Variants in HDGF observed in about 807,000 individuals in gnomAD.
The protein encoded by HDGF is heparin binding growth factor.
Under a neutral mutation model 30.0 loss-of-function variants are expected in HDGF, and 5 were observed. The ratio of observed to expected loss-of-function variants is 0.17; its 90% CI spans 0.09 to 0.35. The LOEUF is 0.35. Among genes scored for constraint, HDGF ranks in the 10% least tolerant of loss-of-function variants. HDGF has a pLI of 1.00. For synonymous variants in HDGF, 133 were observed against 112.7 expected (o/e 1.18, Z -1.14); for missense variants, 214 against 302.8 (o/e 0.71, Z 2.18).
At chr1:156,766,898 T>C (rs963078844) in exon 1 of HDGF, 4 of 152,248 alleles carry the variant, frequency 2.6e-5, no homozygotes, top group African/African-American at 4.8e-5. Flanking sequence ...TGCACCCCGA[T>C]CCTGGTGAGG....
intron 1 of HDGF, among the ~76,000 whole-genome samples, chr1:156,761,453 A>T (rs984169463): frequency 5.9e-5 from 9 of 151,318 alleles, no homozygotes; most frequent in Admixed American, 2.6e-4. Flanking sequence ...TACTAAAAAT[A>T]TAAAAACTAG....
chr1:156,765,630 A>G (rs10796965), intron 1 of HDGF, among the ~76,000 whole-genome samples: 62,924 of 149,888 alleles, frequency 0.42, 14,591 homozygotes, highest in African/African-American at 0.63. Context: ...GCCCGCCACC[A>G]CACCATGCTA....
chr1:156,761,381 A>G (rs11264537), intron 1 of HDGF, among the ~76,000 whole-genome samples: 6,467 of 146,340 alleles, frequency 0.044, 479 homozygotes, highest in African/African-American at 0.16. Context: ...GGCTGAGGCC[A>G]GCGGATCATC....
At chr1:156,754,943 C>T (rs186925718), upstream of HDGF, among the ~76,000 whole-genome samples, 63 of 152,212 alleles carry the variant, frequency 4.1e-4, no homozygotes, top group Non-Finnish European at 4.1e-4. Flanking sequence ...AGTGAACCTC[C>T]GTCTCAAAAA....
chr1:156,744,968 T>C (rs1650422218), intron 3 of HDGF, 40 bp downstream of exon 3: 1 of 1,611,298 alleles, frequency 6.2e-7, no homozygotes, highest in Non-Finnish European at 8.5e-7. Flanking sequence ...CACAGCCACA[T>C]CTGCTTTCCA....
At chr1:156,761,922 G>A (rs1270376217) in intron 1 of HDGF, among the ~76,000 whole-genome samples, 3 of 145,162 alleles carry the variant, frequency 2.1e-5, no homozygotes, top group Non-Finnish European at 4.5e-5. Flanking sequence ...ACTCCAGCCT[G>A]GCAACAGTCT....
intron 2 of HDGF, among the ~76,000 whole-genome samples, chr1:156,758,592 C>CAAAA (rs146810668): frequency 0.55 from 46,750 of 85,200 alleles, 15,286 homozygotes; most frequent in East Asian, 0.77. Context: ...GACTCCGTCT[C>CAAAA]AAAAAAAAAA....
intron 1 of HDGF, among the ~76,000 whole-genome samples, chr1:156,750,288 C>T (rs984497486): frequency 1.3e-5 from 2 of 152,146 alleles, no homozygotes; most frequent in Admixed American, 1.3e-4. Context: ...CGCCCAAAAC[C>T]AAAGGCCCCT....
chr1:156,745,017 G>A lies in HDGF; in HGVS notation c.294C>T (p.Ser98=), dbSNP rs574319981. The change falls in exon 3 of 6, where the codon TCC becomes TCT. Residue 98 remains serine, a synonymous_variant. Coordinates refer to ENST00000357325, the MANE Select transcript of HDGF (RefSeq NM_004494.3). ...EIENNPTVKA[S]GYQSSQKKSC... is the part of the protein sequence containing the mutation. The stretch of plus-strand genomic sequence containing the variant: ...GCAGGCGGTGGCTCACCTGATAGCC[G>A]GAAGCCTTGACAGTAGGGTTGTTCT... 73 of 1,614,026 alleles carry A rather than the reference G, an allele frequency of 4.5e-5. No homozygotes were observed. The highest frequency in any genetic ancestry group is 5.4e-5 in the Non-Finnish European group (64 of 1,180,020).
At chr1:156,759,479 CTT>C (rs540212944) in intron 1 of HDGF, among the ~76,000 whole-genome samples, 14 of 124,578 alleles carry the variant, frequency 1.1e-4, no homozygotes, top group Admixed American at 9.0e-5. Context: ...ATACCCCATT[CTT>C]TTTTTTTTTT....
At chr1:156,751,886 C>T (rs933745077), upstream of HDGF, 3 of 948,356 alleles carry the variant, frequency 3.2e-6, no homozygotes, top group African/African-American at 3.5e-5. This position sits in a 1 kb window ranked among gnomAD's most constrained non-coding sequence, Gnocchi z 4.7. Context: ...CCTGACGGCG[C>T]GTGGCGGCAC....
intron 1 of HDGF, among the ~76,000 whole-genome samples, chr1:156,746,214 A>G (rs1408477838): frequency 1.3e-5 from 2 of 152,194 alleles, no homozygotes; most frequent in African/African-American, 2.4e-5. Flanking sequence ...GATTCACATT[A>G]TTATTTAACA....
chr1:156,752,272 C>A (rs1363295771), upstream of HDGF: 1 of 1,551,804 alleles, frequency 6.4e-7, no homozygotes, highest in South Asian at 1.2e-5. Flanking sequence ...TTGAGCCCTA[C>A]GTCCGCCTTT....
At chr1:156,751,832 T>A (rs1232505371), upstream of HDGF, 2 of 1,004,620 alleles carry the variant, frequency 2.0e-6, no homozygotes, top group African/African-American at 3.5e-5. The surrounding 1 kb of genome is among the most constrained non-coding windows in gnomAD (Gnocchi z 4.7). Context: ...TGCAGCTTCT[T>A]GACGCCCAGG....
At position 156,743,565 on chromosome 1, in the gene HDGF, G is replaced by A. The variant is rs956734357; in HGVS notation, c.716+87C>T. Reference sequence around the variant, plus strand: ...AGCCCACCCTGCCTCCCGAGAGGCTGACCACTGCAGGCCCTTTTCATCCTC... The same window carrying A: ...AGCCCACCCTGCCTCCCGAGAGGCTAACCACTGCAGGCCCTTTTCATCCTC... On this transcript the variant is annotated intron_variant, in intron 5 of 5. Coordinates refer to ENST00000357325, the MANE Select transcript of HDGF (RefSeq NM_004494.3). The A allele has an allele frequency of 8.3e-6, 13 of 1,558,854 alleles. No homozygotes were observed. The Admixed American group carries it at 2.0e-4, about 24-fold the overall frequency.
At chr1:156,765,059 AG>A (rs1651328949) in intron 1 of HDGF, among the ~76,000 whole-genome samples, 2 of 151,252 alleles carry the variant, frequency 1.3e-5, no homozygotes, top group South Asian at 4.2e-4. Flanking sequence ...GAAGTAGGAC[AG>A]GGCTCTGTAA....
At chr1:156,752,798 TG>T (rs1651056917), upstream of HDGF, among the ~76,000 whole-genome samples, 1 of 152,248 alleles carries the variant, frequency 6.6e-6, no homozygotes, top group Non-Finnish European at 1.5e-5. Context: ...TTGGATCTTA[TG>T]TTACGGCATA....
At chr1:156,747,713 C>T (rs749215792) in intron 1 of HDGF, among the ~76,000 whole-genome samples, 2 of 152,086 alleles carry the variant, frequency 1.3e-5, no homozygotes, top group Non-Finnish European at 2.9e-5. Context: ...CACACCTGAG[C>T]CAGGGCATTA....
chr1:156,754,269 C>A (rs1451106647), upstream of HDGF, among the ~76,000 whole-genome samples: 2 of 152,176 alleles, frequency 1.3e-5, no homozygotes, highest in Non-Finnish European at 2.9e-5. Flanking sequence ...TAGTAAAAAG[C>A]AAGAGCCCTT....
Sources: gnomAD v4.1 joint callset for allele counts (sites outside exome capture counted in the v4.1 genomes callset) on GRCh38, gnomAD v4.1.1 for gene constraint, Gnocchi (gnomAD v3.1) non-coding constraint, MANE v1.5 for transcripts, NCBI Gene and HGNC (gene_info 2026-07-23, HGNC 2026-07-21) for gene names.